The following PLAA variants were observed in gnomAD, a reference collection of about 807,000 sequenced individuals.
PLAA encodes phospholipase A2 activating protein, also known as phospholipase A-2-activating protein.
In PLAA, 48 loss-of-function variants were observed where a neutral mutation model predicts 84.1. That is an observed-to-expected ratio of 0.57 (90% confidence interval 0.45 to 0.73). PLAA has a LOEUF of 0.73. Among genes scored for constraint, PLAA ranks in the 30% least tolerant of loss-of-function variants. The pLI is 0.00. For missense variants in PLAA, 903 were observed against 954.7 expected (o/e 0.95, Z 0.71); for synonymous variants, 392 against 336.6 (o/e 1.16, Z -1.80).
intron 1 of PLAA, among the ~76,000 whole-genome samples, chr9:26,946,118 T>C (rs750325007): frequency 2.0e-5 from 3 of 152,226 alleles, no homozygotes; most frequent in Non-Finnish European, 4.4e-5. Context: ...TCTCTAGCAG[T>C]GGGAGACCTA....
At chr9:26,913,485 A>C (rs1824456608) in intron 11 of PLAA, among the ~76,000 whole-genome samples, 1 of 152,240 alleles carries the variant, frequency 6.6e-6, no homozygotes, top group Non-Finnish European at 1.5e-5. Flanking sequence ...TTAAGAATGA[A>C]GAGATGAGAA....
intron 9 of PLAA, among the ~76,000 whole-genome samples, chr9:26,918,886 T>G (rs937366020): frequency 2.6e-5 from 4 of 152,080 alleles, no homozygotes; most frequent in Non-Finnish European, 5.9e-5. Context: ...ACAATTAACT[T>G]AAAATGAACG....
At chr9:26,925,177 T>A (rs1361918836) in intron 6 of PLAA, among the ~76,000 whole-genome samples, 1 of 152,232 alleles carries the variant, frequency 6.6e-6, no homozygotes, top group Non-Finnish European at 1.5e-5. Context: ...TGCTTTCTAA[T>A]TTACTTTCCT....
Position 26,925,878 on chromosome 9 carries a change from C to G in PLAA, c.816G>C (p.Gln272His). ...ECAQTIRLPA[Q>H]SIWCCCVLDN... Reference sequence around the variant, plus strand: ...CGAGCACACAGCAGCACCATATAGACTGAGCTGGAAGTCGGATAGTTTGAG... The same window carrying G: ...CGAGCACACAGCAGCACCATATAGAGTGAGCTGGAAGTCGGATAGTTTGAG... The change falls in exon 6 of 14, where the codon CAG becomes CAC. Residue 272 changes from glutamine to histidine, a missense_variant. By Grantham distance (24) the Gln-to-His change is conservative. Transcript: ENST00000397292. 6.2e-7 allele frequency: 1 copy of G among 1,613,920 alleles called. No homozygotes were observed. The highest frequency in any genetic ancestry group is 8.5e-7 in the Non-Finnish European group (1 of 1,179,820).
At chr9:26,925,726 C>T (rs1824928713) in intron 6 of PLAA, 99 bp downstream of exon 6, 1 of 1,024,174 alleles carries the variant, frequency 9.8e-7, no homozygotes, top group Admixed American at 2.2e-5. Context: ...ATAGTCTCCT[C>T]AAGTCACGTG....
At chr9:26,938,554 T>TA (rs34448526) in intron 1 of PLAA, among the ~76,000 whole-genome samples, 7,674 of 114,494 alleles carry the variant, frequency 0.067, 329 homozygotes, top group African/African-American at 0.12. Context: ...CACCATTTCT[T>TA]AAAAAAAAAA....
intron 8 of PLAA, 67 bp downstream of exon 8, chr9:26,920,160 G>T: frequency 1.5e-6 from 2 of 1,353,016 alleles, no homozygotes; most frequent in Non-Finnish European, 2.1e-6. Flanking sequence ...TCACTATGGG[G>T]CAAAGGAAAC....
chr9:26,905,865 G>A lies in PLAA; in HGVS notation c.2034C>T (p.Ser678=), dbSNP rs1255895546. ...VGQAGQKLMM[S]QRESLMSHAI... is the part of the protein sequence containing the mutation. ...CATGGGACATCAGTGATTCCCTCTG[G>A]GACATCATGAGTTTTTGTCCTGCCT... is the stretch of plus-strand genomic sequence containing the variant. Residue 678 remains serine (S), a synonymous_variant, in exon 14 of 14, where the codon TCC becomes TCT. Coordinates refer to ENST00000397292, the MANE Select transcript of PLAA (RefSeq NM_001031689.3). The A allele has an allele frequency of 3.1e-6, 5 of 1,613,906 alleles. No individual in the cohort carries two copies. Among genetic ancestry groups the A allele is most frequent in the Non-Finnish European group, 4.2e-6 (5 of 1,179,994 alleles).
At chr9:26,946,799 GA>G in intron 1 of PLAA, 97 bp downstream of exon 1, 1 of 1,324,620 alleles carries the variant, frequency 7.5e-7, no homozygotes. Flanking sequence ...AGGCTGGGGG[GA>G]GAGAGAGACG....
Position 26,905,377 on chromosome 9 carries a change from CCCA to C in PLAA, c.*131_*133del, listed in dbSNP as rs1225607675. 5.7e-6 allele frequency: 4 copies of C among 696,744 alleles called. No individual in the cohort carries two copies. The highest frequency in any genetic ancestry group is 1.8e-5 in the African/African-American group (1 of 55,566). 43.2% of individuals were successfully genotyped at this position (696,744 alleles called of 1,614,324 possible). The stretch of plus-strand genomic sequence containing the variant: ...AAAAATTTTATTTCTGTTTCCCCTC[CCCA>C]CCACTTTACAAGATGTAAAATTTTA... On this transcript the variant is annotated 3_prime_UTR_variant, in exon 14 of 14. Transcript: ENST00000397292.
intron 10 of PLAA, among the ~76,000 whole-genome samples, chr9:26,914,975 G>C (rs577922588): frequency 6.6e-5 from 10 of 152,224 alleles, no homozygotes; most frequent in Non-Finnish European, 1.5e-4. Flanking sequence ...CACTTTGGGA[G>C]GCTGAGGCGG....
intron 1 of PLAA, among the ~76,000 whole-genome samples, chr9:26,940,289 G>C (rs912898165): frequency 3.3e-5 from 5 of 152,066 alleles, no homozygotes; most frequent in African/African-American, 1.2e-4. Context: ...AACAAAATGT[G>C]GTATAAACAT....
rs1382810489 is a variant in PLAA at position 26,903,984 on chromosome 9, T to C, written c.*1527A>G. ...GGGTTAAATTCCTAATTTTGCCATT[T>C]AACTTTGACATAACCACCTAAACCC... On this transcript the variant is annotated 3_prime_UTR_variant, in exon 14 of 14. Transcript: ENST00000397292. 2 of 153,730 alleles carry C rather than the reference T, an allele frequency of 1.3e-5. No individual in the cohort carries two copies. Among genetic ancestry groups the C allele is most frequent in the African/African-American group, 2.4e-5 (1 of 41,444 alleles). The allele number at this position is 153,730 out of a possible 1,614,324, so 9.5% of individuals were successfully genotyped here. A position where few individuals can be genotyped will look rare whatever the true frequency, so the allele number is the denominator to read the frequency against.
rs749270985 is a variant in PLAA, at chr9:26,923,311, A to G, written c.906T>C (p.Asp302=). ...GIIRVFTESE[D]RTASAEEIKA... ...TGATTTCTTCAGCACTTGCTGTTCG[A>G]TCTTCTGATTCTGTAAACACTCTAA... Residue 302 remains aspartate, a synonymous_variant, in exon 7 of 14, where the codon GAT becomes GAC. Coordinates refer to ENST00000397292, the MANE Select transcript of PLAA (RefSeq NM_001031689.3). 1 of 1,613,238 alleles carries G rather than the reference A, an allele frequency of 6.2e-7. No individual in the cohort carries two copies. The highest frequency in any genetic ancestry group is 8.5e-7 in the Non-Finnish European group (1 of 1,179,488).
intron 5 of PLAA, 73 bp downstream of exon 5, chr9:26,926,316 TCCTC>T (rs752240380): frequency 1.3e-5 from 12 of 899,982 alleles, no homozygotes; most frequent in Non-Finnish European, 2.1e-5. Context: ...TAATCAGCTC[TCCTC>T]CCTCCATCTC....
intron 1 of PLAA, among the ~76,000 whole-genome samples, chr9:26,937,613 T>A (rs1165725038): frequency 6.6e-6 from 1 of 152,020 alleles, no homozygotes; most frequent in African/African-American, 2.4e-5. Flanking sequence ...AAAACAACTG[T>A]TTTAAACATG....
At chr9:26,941,834 G>T (rs1360845822) in intron 1 of PLAA, among the ~76,000 whole-genome samples, 1 of 150,712 alleles carries the variant, frequency 6.6e-6, no homozygotes, top group African/African-American at 2.4e-5. Flanking sequence ...AAAGAAGACA[G>T]AAAAAATAAA....
intron 9 of PLAA, among the ~76,000 whole-genome samples, chr9:26,918,703 C>A (rs1228131253): frequency 6.6e-6 from 1 of 152,074 alleles, no homozygotes; most frequent in Non-Finnish European, 1.5e-5. Flanking sequence ...TTAGAGGAGG[C>A]ATTTTATTTC....
intron 13 of PLAA, 45 bp from the exon 14 acceptor site, chr9:26,906,121 ATTTCT>A: frequency 1.8e-5 from 23 of 1,260,820 alleles, no homozygotes; most frequent in Non-Finnish European, 2.4e-5. Context: ...AATAAAGAAA[ATTTCT>A]TTTGACTATC....
Sources: gnomAD v4.1 joint callset for allele counts (sites outside exome capture counted in the v4.1 genomes callset) on GRCh38, gnomAD v4.1.1 for gene constraint, MANE v1.5 for transcripts, NCBI Gene and HGNC (gene_info 2026-07-23, HGNC 2026-07-21) for gene names.